The following FTO variants were observed in gnomAD, a reference collection of about 807,000 sequenced individuals.
FTO encodes the protein FTO alpha-ketoglutarate dependent dioxygenase.
FTO carries 47 observed loss-of-function variants against 63.9 expected under a neutral mutation model. That is an observed-to-expected ratio of 0.74 (90% CI 0.58 to 0.94). FTO has a LOEUF of 0.94. Among genes scored for constraint, FTO ranks in the 40% least tolerant of loss-of-function variants. The pLI is 0.00. For synonymous variants in FTO, 207 were observed against 224.4 expected (o/e 0.92, Z 0.69); for missense variants, 562 against 618.1 (o/e 0.91, Z 0.96).
At chr16:53,762,529 C>T (rs753317122) in intron 1 of FTO, among the ~76,000 whole-genome samples, 14 of 151,896 alleles carry the variant, frequency 9.2e-5, no homozygotes, top group Non-Finnish European at 1.3e-4. Flanking sequence ...ATATAAGCAC[C>T]GAGTGAATGA....
chr16:53,803,823 AC>A (rs2078288913), intron 1 of FTO, among the ~76,000 whole-genome samples: 1 of 152,212 alleles, frequency 6.6e-6, no homozygotes, highest in Non-Finnish European at 1.5e-5. Context: ...GTTAATTGAC[AC>A]ATTTTATATA....
intron 8 of FTO, among the ~76,000 whole-genome samples, chr16:54,034,870 T>G (rs1309216650): frequency 6.6e-6 from 1 of 152,226 alleles, no homozygotes; most frequent in African/African-American, 2.4e-5. Context: ...CAGCCCCCAC[T>G]GACAGTGTGT....
At chr16:54,107,945 C>T (rs540919241) in intron 8 of FTO, among the ~76,000 whole-genome samples, 1 of 152,264 alleles carries the variant, frequency 6.6e-6, no homozygotes, top group East Asian at 1.9e-4. Flanking sequence ...GGGTCATGTG[C>T]CTCCTCTTAA....
chr16:53,764,814 G>A (rs2077159897), intron 1 of FTO, among the ~76,000 whole-genome samples: 1 of 151,932 alleles, frequency 6.6e-6, no homozygotes, highest in Non-Finnish European at 1.5e-5. Flanking sequence ...CTGCCTCCAG[G>A]GTTCAAGCAA....
intron 1 of FTO, among the ~76,000 whole-genome samples, chr16:53,730,655 C>A (rs974449009): frequency 1.3e-5 from 2 of 151,892 alleles, no homozygotes; most frequent in Admixed American, 1.3e-4. Context: ...CCACCATGCC[C>A]GGCTAATTTT....
intron 1 of FTO, among the ~76,000 whole-genome samples, chr16:53,707,895 C>A (rs1295089698): frequency 6.6e-6 from 1 of 152,188 alleles, no homozygotes; most frequent in Non-Finnish European, 1.5e-5. Context: ...CTACTTCCTC[C>A]CTAGGGAACC....
At chr16:54,011,381 A>G (rs1429813529) in intron 8 of FTO, among the ~76,000 whole-genome samples, 3 of 152,208 alleles carry the variant, frequency 2.0e-5, no homozygotes, top group Non-Finnish European at 4.4e-5. Flanking sequence ...GGGCCCAGCC[A>G]TAGATTTACC....
chr16:54,088,893 A>G (rs1294949479), intron 8 of FTO, among the ~76,000 whole-genome samples: 1 of 152,208 alleles, frequency 6.6e-6, no homozygotes, highest in Admixed American at 6.5e-5. Context: ...AAGAGTTGTC[A>G]CTGATTACAT....
chr16:53,993,097 G>A (rs983861860), intron 8 of FTO: 4 of 152,216 alleles, frequency 2.6e-5, no homozygotes, highest in Non-Finnish European at 4.4e-5. Flanking sequence ...TTCTCTCCCC[G>A]GAGGGTTTTT....
chr16:54,078,969 T>C (rs1360245947), intron 8 of FTO, among the ~76,000 whole-genome samples: 1 of 152,226 alleles, frequency 6.6e-6, no homozygotes, highest in Non-Finnish European at 1.5e-5. Flanking sequence ...AATGAACATG[T>C]TCTTCTCTAC....
rs757468268 is a variant in FTO at position 53,888,866 on chromosome 16, A to C, written c.1154A>C (p.Gln385Pro). 1.2e-6 allele frequency: 2 copies of C among 1,614,072 alleles called. No homozygotes were observed. The highest frequency in any genetic ancestry group is 1.7e-6 in the Non-Finnish European group (2 of 1,179,952). ...GAGTGGCTGAGGCAGTTTTGGTTTC[A>C]AGGCAATCGATACAGAAAGTGCACT... ...EFEWLRQFWF[Q>P]GNRYRKCTDW... Residue 385 changes from glutamine to proline, a missense_variant, in exon 7 of 9, where the codon CAA (glutamine) becomes CCA (proline). Transcript: ENST00000471389.
At chr16:53,923,347 C>G (rs1216012797) in intron 7 of FTO, among the ~76,000 whole-genome samples, 4 of 152,172 alleles carry the variant, frequency 2.6e-5, no homozygotes. Flanking sequence ...CTGTCAGGGG[C>G]AAGACACCAG....
chr16:53,801,828 C>T (rs535854600), intron 1 of FTO, among the ~76,000 whole-genome samples: 6 of 151,730 alleles, frequency 4.0e-5, no homozygotes, highest in Admixed American at 1.3e-4. Flanking sequence ...GGTGTGAACT[C>T]GGCTCACTGC....
intron 1 of FTO, among the ~76,000 whole-genome samples, chr16:53,789,927 C>A (rs530192305): frequency 4.1e-4 from 58 of 142,658 alleles, no homozygotes; most frequent in Admixed American, 5.6e-4. Context: ...TATACATATA[C>A]GTATATACAC....
intron 8 of FTO, among the ~76,000 whole-genome samples, chr16:53,935,113 G>C (rs2082359841): frequency 6.6e-6 from 1 of 152,166 alleles, no homozygotes; most frequent in Admixed American, 6.5e-5. Flanking sequence ...TTTTAGATCT[G>C]TAGTTTGTAA....
intron 6 of FTO, among the ~76,000 whole-genome samples, chr16:53,884,752 A>T (rs1027328402): frequency 4.6e-5 from 7 of 152,222 alleles, no homozygotes; most frequent in Admixed American, 2.6e-4. Flanking sequence ...AAGTCCAGAT[A>T]TGTGGGTTGA....
chr16:53,987,575 T>A (rs1203836945), intron 8 of FTO, among the ~76,000 whole-genome samples: 1 of 125,564 alleles, frequency 8.0e-6, no homozygotes, highest in African/African-American at 3.2e-5. Flanking sequence ...AGAGAAAGAC[T>A]CTGTCTCAAA....
intron 7 of FTO, among the ~76,000 whole-genome samples, chr16:53,904,779 G>C (rs117955814): frequency 0.014 from 2,184 of 152,186 alleles, 25 homozygotes; most frequent in Middle Eastern, 0.037. Context: ...CTTCTGATAT[G>C]ATGAGCCTCC....
intron 2 of FTO, among the ~76,000 whole-genome samples, chr16:53,817,352 C>G (rs748677139): frequency 1.3e-5 from 2 of 152,026 alleles, no homozygotes; most frequent in Non-Finnish European, 2.9e-5. Flanking sequence ...CTGGGTCAGA[C>G]GAGTGTTTAG....
Sources: gnomAD v4.1 joint callset for allele counts (sites outside exome capture counted in the v4.1 genomes callset) on GRCh38, gnomAD v4.1.1 for gene constraint, MANE v1.5 for transcripts, NCBI Gene and HGNC (gene_info 2026-07-23, HGNC 2026-07-21) for gene names.